The following ASTN2 variants were observed in gnomAD, a reference collection of about 807,000 sequenced individuals.
ASTN2 encodes the protein astrotactin-2.
In ASTN2, 54 loss-of-function variants were observed where a neutral mutation model predicts 139.8. The ratio of observed to expected loss-of-function variants is 0.39; its 90% CI spans 0.31 to 0.48. ASTN2 has a LOEUF of 0.48. Among genes scored for constraint, ASTN2 ranks in the 20% least tolerant of loss-of-function variants. ASTN2 has a pLI of 0.95. For synonymous variants in ASTN2, 756 were observed against 719.5 expected (o/e 1.05, Z -0.81); for missense variants, 1,565 against 1,725.1 (o/e 0.91, Z 1.64).
intron 20 of ASTN2, among the ~76,000 whole-genome samples, chr9:116,470,682 C>T (rs1165189128): frequency 6.6e-6 from 1 of 152,140 alleles, no homozygotes; most frequent in East Asian, 1.9e-4. Flanking sequence ...ACACTCTTCA[C>T]TGAAGAGAAG....
chr9:117,325,041 A>G (rs1828469552), intron 1 of ASTN2, among the ~76,000 whole-genome samples: 1 of 152,180 alleles, frequency 6.6e-6, no homozygotes, highest in African/African-American at 2.4e-5. Flanking sequence ...GGCATGCTGC[A>G]TTTCAGGAGC....
Position 116,576,192 on chromosome 9 carries a change from A to C in ASTN2, c.3355+42132T>G, listed in dbSNP as rs1048451006. On this transcript the variant is annotated intron_variant, in intron 19 of 22. Coordinates refer to ENST00000313400, the MANE Select transcript of ASTN2 (RefSeq NM_001365068.1). ...AGATGCAGCTGTGGACAATGAAAAGAGGAAGGAGGACTGATCAGTCCCCTA... is the reference window on the plus strand; with the variant it reads ...AGATGCAGCTGTGGACAATGAAAAGCGGAAGGAGGACTGATCAGTCCCCTA... Among the ~76,000 whole-genome samples the C allele has an allele frequency of 2.0e-5, 3 of 152,248 alleles. No homozygotes were observed. The South Asian group carries it at 6.2e-4, about 32-fold the overall frequency.
chr9:116,536,305 C>G (rs927635648), intron 19 of ASTN2, among the ~76,000 whole-genome samples: 2 of 151,902 alleles, frequency 1.3e-5, no homozygotes, highest in African/African-American at 4.8e-5. Flanking sequence ...GTTCAAACTT[C>G]CTCCTTTAGC....
rs142474564 is a variant in ASTN2 at position 116,841,769 on chromosome 9, T to C, written c.2041-20986A>G. Reference sequence around the variant, plus strand: ...AGAGGATCCCAGGAGGTCATTTACCTGATATGTGCCTGATGCCTGACAGGT... The same window carrying C: ...AGAGGATCCCAGGAGGTCATTTACCCGATATGTGCCTGATGCCTGACAGGT... On this transcript the variant is annotated intron_variant, in intron 11 of 22. Coordinates refer to ENST00000313400, the MANE Select transcript of ASTN2 (RefSeq NM_001365068.1). Among the ~76,000 whole-genome samples, 15 of 152,318 alleles carry C rather than the reference T, an allele frequency of 9.8e-5. No homozygotes were observed. In the East Asian group the frequency reaches 2.9e-3, roughly 29 times the overall value.
intron 17 of ASTN2, among the ~76,000 whole-genome samples, chr9:116,633,302 A>G (rs1175273008): frequency 6.6e-6 from 1 of 152,186 alleles, no homozygotes; most frequent in Non-Finnish European, 1.5e-5. Context: ...GGGTTTGTTA[A>G]TCTTACACAA....
chr9:116,727,237 C>T (rs1444983922), intron 15 of ASTN2, among the ~76,000 whole-genome samples: 1 of 152,140 alleles, frequency 6.6e-6, no homozygotes, highest in East Asian at 1.9e-4. Flanking sequence ...TCCGCACATG[C>T]ATCCTCCCTG....
intron 13 of ASTN2, among the ~76,000 whole-genome samples, chr9:116,793,961 C>T (rs1363699120): frequency 6.6e-6 from 1 of 152,040 alleles, no homozygotes; most frequent in Non-Finnish European, 1.5e-5. Flanking sequence ...TGGTTTGGAC[C>T]AGGAGTGTCC....
chr9:116,661,905 C>G (rs2131960539), intron 16 of ASTN2, among the ~76,000 whole-genome samples: 1 of 151,544 alleles, frequency 6.6e-6, no homozygotes, highest in African/African-American at 2.4e-5. Context: ...GGAAATATAC[C>G]TAATGTAAAT....
At chr9:116,707,629 T>G (rs1178275354) in intron 16 of ASTN2, among the ~76,000 whole-genome samples, 5 of 152,138 alleles carry the variant, frequency 3.3e-5, no homozygotes, top group Non-Finnish European at 7.3e-5. Context: ...GTTCACAATT[T>G]GACCCAATTG....
chr9:117,280,240 A>G (rs528381325), intron 2 of ASTN2, among the ~76,000 whole-genome samples: 17 of 152,320 alleles, frequency 1.1e-4, no homozygotes, highest in Admixed American at 8.5e-4. Flanking sequence ...GCATTACTTC[A>G]GTGGATTCAT....
intron 19 of ASTN2, among the ~76,000 whole-genome samples, chr9:116,522,058 G>A (rs1850899531): frequency 6.6e-6 from 1 of 152,142 alleles, no homozygotes; most frequent in East Asian, 1.9e-4. Flanking sequence ...CTTTTACATT[G>A]TTGGTGGGAA....
At chr9:117,394,005 T>G (rs1238553310) in intron 1 of ASTN2, among the ~76,000 whole-genome samples, 1 of 152,250 alleles carries the variant, frequency 6.6e-6, no homozygotes, top group Non-Finnish European at 1.5e-5. Context: ...ACTTTGCGAA[T>G]GCAAGCTTAT....
intron 19 of ASTN2, among the ~76,000 whole-genome samples, chr9:116,534,963 T>C (rs1167517446): frequency 1.3e-5 from 2 of 152,228 alleles, no homozygotes; most frequent in Non-Finnish European, 2.9e-5. Context: ...CAGTGGGGTG[T>C]TAAAGTCTCC....
chr9:116,606,246 C>T (rs1233243083), intron 19 of ASTN2, among the ~76,000 whole-genome samples: 1 of 152,128 alleles, frequency 6.6e-6, no homozygotes, highest in Non-Finnish European at 1.5e-5. Flanking sequence ...TTCCTAACAG[C>T]GTCCCGGAAC....
At chr9:116,636,113 C>G (rs1055206966) in intron 17 of ASTN2, among the ~76,000 whole-genome samples, 1 of 152,130 alleles carries the variant, frequency 6.6e-6, no homozygotes, top group African/African-American at 2.4e-5. Context: ...ACCAGACAAA[C>G]AAGGGTTTAA....
chr9:117,332,653 T>C (rs79979448), intron 1 of ASTN2, among the ~76,000 whole-genome samples: 13,432 of 152,202 alleles, frequency 0.088, 712 homozygotes, highest in Non-Finnish European at 0.1. Context: ...GGGGCTTAAG[T>C]CACTTGCCTA....
intron 4 of ASTN2, among the ~76,000 whole-genome samples, chr9:117,118,146 A>G (rs1305567205): frequency 6.6e-6 from 1 of 152,164 alleles, no homozygotes; most frequent in African/African-American, 2.4e-5. Context: ...GGGTTTAAGT[A>G]ATTTAATTTC....
At chr9:117,316,628 G>A (rs1828152221) in intron 1 of ASTN2, among the ~76,000 whole-genome samples, 1 of 152,124 alleles carries the variant, frequency 6.6e-6, no homozygotes, top group East Asian at 1.9e-4. Flanking sequence ...CACTCTGGCT[G>A]AGGACATCAC....
intron 16 of ASTN2, among the ~76,000 whole-genome samples, chr9:116,681,451 A>C (rs1303715739): frequency 6.6e-6 from 1 of 152,220 alleles, no homozygotes; most frequent in Non-Finnish European, 1.5e-5. Context: ...CATACTGCCC[A>C]AGGTAATTTA....
Sources: gnomAD v4.1 joint callset for allele counts (sites outside exome capture counted in the v4.1 genomes callset) on GRCh38, gnomAD v4.1.1 for gene constraint, MANE v1.5 for transcripts, NCBI Gene and HGNC (gene_info 2026-07-23, HGNC 2026-07-21) for gene names.